RAB3C: variants seen among roughly 807,000 people sequenced by gnomAD.
The protein encoded by RAB3C is ras-related protein Rab-3C.
In RAB3C, 17 loss-of-function variants were observed where a neutral mutation model predicts 26.4. The ratio of observed to expected loss-of-function variants is 0.64; its 90% CI spans 0.44 to 0.97. The LOEUF is 0.97. Among genes scored for constraint, RAB3C ranks in the 50% least tolerant of loss-of-function variants. The pLI is 0.00. For synonymous variants in RAB3C, 91 were observed against 95.9 expected, an observed-to-expected ratio of 0.95 and a Z score of 0.30; for missense variants, 242 against 281.9, an observed-to-expected ratio of 0.86 and a Z score of 1.01.
intron 3 of RAB3C, among the ~76,000 whole-genome samples, chr5:58,783,160 C>T (rs1213461300): frequency 6.6e-6 from 1 of 152,054 alleles, no homozygotes; most frequent in East Asian, 1.9e-4. Context: ...TTAGTGAGAG[C>T]TCAACCCACA....
At chr5:58,750,538 T>A (rs1362545002) in intron 3 of RAB3C, among the ~76,000 whole-genome samples, 1 of 152,244 alleles carries the variant, frequency 6.6e-6, no homozygotes, top group Non-Finnish European at 1.5e-5. Context: ...ATAGAAACTC[T>A]AAGAAATAGT....
chr5:58,617,924 A>G (rs892274252), intron 2 of RAB3C, 54 bp downstream of exon 2: 4 of 1,133,912 alleles, frequency 3.5e-6, no homozygotes, highest in South Asian at 2.8e-5. Context: ...GAACATATCC[A>G]TTTGTAAGGG....
intron 3 of RAB3C, among the ~76,000 whole-genome samples, chr5:58,813,048 C>T (rs1278532660): frequency 6.6e-6 from 1 of 152,106 alleles, no homozygotes; most frequent in Non-Finnish European, 1.5e-5. Context: ...TATTCCAGTT[C>T]TGTTATATGT....
intron 2 of RAB3C, among the ~76,000 whole-genome samples, chr5:58,680,082 G>T (rs559493197): frequency 6.6e-6 from 1 of 152,288 alleles, no homozygotes; most frequent in South Asian, 2.1e-4. Flanking sequence ...TTAATGAATG[G>T]TAGTAAGGGA....
At chr5:58,826,227 A>C (rs1197983318) in intron 4 of RAB3C, among the ~76,000 whole-genome samples, 2 of 152,038 alleles carry the variant, frequency 1.3e-5, no homozygotes, top group African/African-American at 4.8e-5. Context: ...ATGAGTGATG[A>C]GGGGAGATGG....
intron 2 of RAB3C, among the ~76,000 whole-genome samples, chr5:58,705,329 A>G (rs1748922903): frequency 6.6e-6 from 1 of 152,178 alleles, no homozygotes. Context: ...CATTGCACCA[A>G]TTGGAAAGAA....
At chr5:58,770,475 A>T (rs1314215611) in intron 3 of RAB3C, among the ~76,000 whole-genome samples, 2 of 152,188 alleles carry the variant, frequency 1.3e-5, no homozygotes, top group African/African-American at 4.8e-5. Flanking sequence ...TCTAAAAGAT[A>T]AACTTCCAAG....
At chr5:58,737,901 G>GA (rs370471318) in intron 3 of RAB3C, among the ~76,000 whole-genome samples, 567 of 147,478 alleles carry the variant, frequency 3.8e-3, no homozygotes, top group African/African-American at 0.013. Context: ...AAAGAGAAAA[G>GA]AAAAAAAAAA....
chr5:58,655,896 C>T (rs1203310158), intron 2 of RAB3C, among the ~76,000 whole-genome samples: 1 of 149,620 alleles, frequency 6.7e-6, no homozygotes, highest in Non-Finnish European at 1.5e-5. Context: ...CCCGGGTTCA[C>T]GCCTTTCTCC....
Position 58,775,004 on chromosome 5 carries a change from A to G in RAB3C, c.371+48884A>G, listed in dbSNP as rs576738903. On this transcript the variant is annotated intron_variant, in intron 3 of 4. Transcript: ENST00000282878. ...GGAAGGTTTTGAGTAGAGGAGTGGC[A>G]TGGTCCAATATATTTAAGAGGATCC... Among the ~76,000 whole-genome samples the G allele has an allele frequency of 2.6e-5, 4 of 152,228 alleles. No homozygotes were observed. In the South Asian group the frequency reaches 8.3e-4, roughly 32 times the overall value.
chr5:58,595,255 G>A (rs1369525490), intron 1 of RAB3C, among the ~76,000 whole-genome samples: 1 of 152,160 alleles, frequency 6.6e-6, no homozygotes, highest in African/African-American at 2.4e-5. Flanking sequence ...GTCCTCAGAA[G>A]GTTCTGGCTT....
chr5:58,818,620 C>T (rs1395109244), intron 3 of RAB3C, among the ~76,000 whole-genome samples: 1 of 152,328 alleles, frequency 6.6e-6, no homozygotes, highest in East Asian at 1.9e-4. Context: ...TGGTGACCAG[C>T]ATATGGCTTC....
At chr5:58,746,464 G>A (rs10069767) in intron 3 of RAB3C, among the ~76,000 whole-genome samples, 6,979 of 152,220 alleles carry the variant, frequency 0.046, 569 homozygotes, top group African/African-American at 0.16. Context: ...GCACATATAT[G>A]CACACACACG....
At chr5:58,721,054 AAC>A (rs1367493984) in intron 2 of RAB3C, among the ~76,000 whole-genome samples, 1 of 151,872 alleles carries the variant, frequency 6.6e-6, no homozygotes, top group African/African-American at 2.4e-5. Context: ...CTAAGGCAGA[AAC>A]AGAGTGCCAA....
intron 2 of RAB3C, among the ~76,000 whole-genome samples, chr5:58,704,810 T>C (rs1326546223): frequency 6.6e-6 from 1 of 152,130 alleles, no homozygotes; most frequent in Non-Finnish European, 1.5e-5. Context: ...GAACATTTAG[T>C]TCCAGTTTGA....
intron 3 of RAB3C, among the ~76,000 whole-genome samples, chr5:58,779,946 G>A (rs1293805591): frequency 6.6e-6 from 1 of 152,100 alleles, no homozygotes; most frequent in East Asian, 1.9e-4. Flanking sequence ...TCACCTGGGA[G>A]CATTTTGCAC....
At position 58,853,508 on chromosome 5, in the gene RAB3C, C is replaced by T. The variant is rs2112093867; in HGVS notation, c.*2157C>T. 6.6e-6 allele frequency: 1 copy of T among 152,236 alleles called. No homozygotes were observed. The highest frequency in any genetic ancestry group is 6.5e-5 in the Admixed American group (1 of 15,278). The allele number at this position is 152,236 out of a possible 1,614,324, so 9.4% of individuals were successfully genotyped here. On this transcript the variant is annotated 3_prime_UTR_variant, in exon 5 of 5. Transcript: ENST00000282878. ...TGGTAAAATGAAAAGCAAAATGAGACAGTATTTAAAAGTGAAAGAGCAGAG... is the reference window on the plus strand; with the variant it reads ...TGGTAAAATGAAAAGCAAAATGAGATAGTATTTAAAAGTGAAAGAGCAGAG...
At chr5:58,596,955 C>A (rs1337882248) in intron 1 of RAB3C, among the ~76,000 whole-genome samples, 1 of 83,046 alleles carries the variant, frequency 1.2e-5, no homozygotes, top group Non-Finnish European at 2.0e-5. Flanking sequence ...TAATATGATA[C>A]ATAATATATT....
At chr5:58,635,514 A>G (rs1211927673) in intron 2 of RAB3C, among the ~76,000 whole-genome samples, 1 of 152,200 alleles carries the variant, frequency 6.6e-6, no homozygotes, top group Non-Finnish European at 1.5e-5. Context: ...TTCTACAGAT[A>G]TTTTTTAGCC....
Sources: gnomAD v4.1 joint callset for allele counts (sites outside exome capture counted in the v4.1 genomes callset) on GRCh38, gnomAD v4.1.1 for gene constraint, MANE v1.5 for transcripts, NCBI Gene and HGNC (gene_info 2026-07-23, HGNC 2026-07-21) for gene names.